Variants in MICAL1 observed in about 807,000 individuals in gnomAD.
MICAL1 encodes [F-actin]-monooxygenase MICAL1.
Under a neutral mutation model 131.8 loss-of-function variants are expected in MICAL1, and 95 were observed. That is an observed-to-expected ratio of 0.72 (90% confidence interval 0.61 to 0.86). The LOEUF is 0.86. Ranked by LOEUF, MICAL1 falls within the 40% of genes least tolerant of loss-of-function variation. The pLI, the probability that MICAL1 is intolerant of heterozygous loss-of-function variation, is 0.00. For missense variants in MICAL1, 1,292 were observed against 1,380.6 expected (o/e 0.94, Z 1.02); for synonymous variants, 546 against 554.2 (o/e 0.99, Z 0.21).
chr6:109,462,917 A>C (rs1205966735), intron 1 of MICAL1: 1 of 152,260 alleles, frequency 6.6e-6, no homozygotes, highest in Non-Finnish European at 1.5e-5. Context: ...ACACTGCACT[A>C]GCAACATCAT....
Position 109,448,719 on chromosome 6 carries a change from G to A in MICAL1, c.1664+13C>T, listed in dbSNP as rs576023177. 6.2e-7 allele frequency: 1 copy of A among 1,613,668 alleles called. No individual in the cohort carries two copies. Among genetic ancestry groups the A allele is most frequent in the African/African-American group, 1.3e-5 (1 of 75,024 alleles). On this transcript the variant is annotated intron_variant, in intron 12 of 24. Transcript: ENST00000358807. ...GAGATCATGAGAGAGAGGTGGGTCT[G>A]CCAGGGACTCACAGCAGGCCAGGCT... is the stretch of plus-strand genomic sequence containing the variant.
intron 13 of MICAL1, 32 bp from the exon 14 acceptor site, chr6:109,447,995 G>C (rs765513353): frequency 5.1e-5 from 80 of 1,568,258 alleles, no homozygotes; most frequent in Non-Finnish European, 1.6e-5. Context: ...CAGTGTGGAT[G>C]GGGGGTGCCA....
At position 109,455,546 on chromosome 6, in the gene MICAL1, G is replaced by A. The variant is rs544097123; in HGVS notation, c.-44+173C>T. ...GCGGGCGGCAGCGGTGGGGGTCCCC[G>A]ACACTGGACGGCAAAGTCCGGACGC... On this transcript the variant is annotated intron_variant, in intron 1 of 24. Coordinates refer to ENST00000358807, the MANE Select transcript of MICAL1 (RefSeq NM_022765.4). This position sits in a 1 kb window ranked among gnomAD's most constrained non-coding sequence, Gnocchi z 4.7. 1 of 291,178 alleles carries A rather than the reference G, an allele frequency of 3.4e-6. No individual in the cohort carries two copies. The highest frequency in any genetic ancestry group is 5.1e-6 in the Non-Finnish European group (1 of 194,796). The allele number at this position is 291,178 out of a possible 1,614,324, so 18.0% of individuals were successfully genotyped here. A position where few individuals can be genotyped will look rare whatever the true frequency, so the allele number is the denominator to read the frequency against.
At chr6:109,445,980 G>A (rs1582637388) in intron 19 of MICAL1, 118 bp from the exon 20 acceptor site, 1 of 1,494,656 alleles carries the variant, frequency 6.7e-7, no homozygotes, top group Non-Finnish European at 8.9e-7. Context: ...TATGTGTTGG[G>A]GCATGGGAGG....
At position 109,451,632 on chromosome 6, in the gene MICAL1, G is replaced by T; in HGVS notation, c.901C>A (p.Gln301Lys). 1 of 1,614,070 alleles carries T rather than the reference G, an allele frequency of 6.2e-7. No individual in the cohort carries two copies. The change falls in exon 7 of 25, where the codon CAG becomes AAG. Residue 301 changes from glutamine to lysine, a missense_variant. Transcript: ENST00000358807. Reference sequence around the variant, plus strand: ...AGCACCCCCAGCCGCAGCAGGCACTGCTTCTTGGCTGTCATCACAAAGTAG... The same window carrying T: ...AGCACCCCCAGCCGCAGCAGGCACTTCTTCTTGGCTGTCATCACAAAGTAG... ...THYFVMTAKK[Q>K]CLLRLGVLRQ...
chr6:109,454,002 G>A lies in MICAL1; in HGVS notation c.195C>T (p.Thr65=). The change falls in exon 2 of 25, where the codon ACC becomes ACT. Residue 65 remains threonine (T), a synonymous_variant. Coordinates refer to ENST00000358807, the MANE Select transcript of MICAL1 (RefSeq NM_022765.4). ...LNYWSAKSLW[T]KLDKRAGQPV... ...GCTGGCCTGCTCGCTTGTCCAGCTT[G>A]GTCCACAGTGACTTGGCGCTCCAGT... The A allele has an allele frequency of 1.2e-6, 2 of 1,614,150 alleles. No homozygotes were observed. The highest frequency in any genetic ancestry group is 1.1e-5 in the South Asian group (1 of 91,092).
Position 109,455,339 on chromosome 6 carries a change from T to G in MICAL1, c.-44+380A>C, listed in dbSNP as rs1274602398. Among the ~76,000 whole-genome samples the G allele has an allele frequency of 6.6e-6, 1 of 151,258 alleles. No homozygotes were observed. Among genetic ancestry groups the G allele is most frequent in the African/African-American group, 2.4e-5 (1 of 41,100 alleles). ...GGAGATGAAAGCCTCCCGCTGCGGGTGGCCCGGACGAGGGCAGACGGAATC... is the reference window on the plus strand; with the variant it reads ...GGAGATGAAAGCCTCCCGCTGCGGGGGGCCCGGACGAGGGCAGACGGAATC... On this transcript the variant is annotated intron_variant, in intron 1 of 24. Coordinates refer to ENST00000358807, the MANE Select transcript of MICAL1 (RefSeq NM_022765.4). This position sits in a 1 kb window ranked among gnomAD's most constrained non-coding sequence, Gnocchi z 4.7.
upstream of MICAL1, among the ~76,000 whole-genome samples, chr6:109,458,866 G>A (rs1169392669): frequency 1.3e-5 from 2 of 152,178 alleles, no homozygotes; most frequent in African/African-American, 4.8e-5. Flanking sequence ...GGGAAGCTGT[G>A]GCTGCAGTAT....
At chr6:109,449,291 C>G (rs916642094) in intron 11 of MICAL1, 109 bp downstream of exon 11, 2 of 1,205,630 alleles carry the variant, frequency 1.7e-6, no homozygotes, top group Non-Finnish European at 2.5e-6. Context: ...ACAATGAGTG[C>G]TCCGGCACGC....
At position 109,450,566 on chromosome 6, in the gene MICAL1, T is replaced by C; in HGVS notation, c.934-9A>G. Reference sequence around the variant, plus strand: ...TTGGTGTCTGGCCAGTCCTGTATGGTCAACAGAGCAGAACCTCAGAGACCT... The same window carrying C: ...TTGGTGTCTGGCCAGTCCTGTATGGCCAACAGAGCAGAACCTCAGAGACCT... On this transcript the variant is annotated splice_polypyrimidine_tract_variant and intron_variant, in intron 7 of 24. Transcript: ENST00000358807. 1.9e-6 allele frequency: 3 copies of C among 1,594,214 alleles called. No individual in the cohort carries two copies. Among genetic ancestry groups the C allele is most frequent in the South Asian group, 2.2e-5 (2 of 90,522 alleles).
rs151074126 is a variant in MICAL1, at chr6:109,450,541, T to A, written c.950A>T (p.Asn317Ile). The stretch of plus-strand genomic sequence containing the variant: ...CACATTGGCACTGCCCAGCAGCCGA[T>A]TGGTGTCTGGCCAGTCCTGTATGGT... ...GVLRQDWPDTNRLLGSANVVP... is the reference protein window; with the variant it reads ...GVLRQDWPDTIRLLGSANVVP... Residue 317 changes from asparagine (N) to isoleucine (I), a missense_variant, in exon 8 of 25, where the codon AAT becomes ATT. Physicochemically the swap from Asn to Ile is moderately radical, Grantham distance 149. Coordinates refer to ENST00000358807, the MANE Select transcript of MICAL1 (RefSeq NM_022765.4). 6.2e-7 allele frequency: 1 copy of A among 1,610,162 alleles called. No homozygotes were observed. Among genetic ancestry groups the A allele is most frequent in the East Asian group, 2.2e-5 (1 of 44,734 alleles).
At chr6:109,464,048 T>C (rs1775973940) in intron 1 of MICAL1, 1 of 152,166 alleles carries the variant, frequency 6.6e-6, no homozygotes. Flanking sequence ...GGAGAAAATG[T>C]GGATTGGTGG....
At position 109,450,059 on chromosome 6, in the gene MICAL1, C is replaced by A. The variant is rs779279993; in HGVS notation, c.1218G>T (p.Val406=). 6.2e-6 allele frequency: 10 copies of A among 1,614,094 alleles called. No homozygotes were observed. Among genetic ancestry groups the A allele is most frequent in the Middle Eastern group, 3.3e-4 (2 of 6,060 alleles). ...CAAAGGCTGCCAGGAAGCCCCGTGC[C>A]ACTCCAGTGCCCAGGGGCCAGAAGG... ...VEPFWPLGTG[V]ARGFLAAFDA... Residue 406 remains valine, a synonymous_variant, in exon 9 of 25, where the codon GTG becomes GTT. Coordinates refer to ENST00000358807, the MANE Select transcript of MICAL1 (RefSeq NM_022765.4).
At chr6:109,448,023 CA>C in intron 13 of MICAL1, 60 bp from the exon 14 acceptor site, 1 of 679,376 alleles carries the variant, frequency 1.5e-6, no homozygotes, top group Non-Finnish European at 2.0e-6. Flanking sequence ...ACTCTCAGAA[CA>C]GACAGTCACT....
chr6:109,445,657 AGATAT>A, intron 20 of MICAL1, 109 bp downstream of exon 20: 1 of 1,494,378 alleles, frequency 6.7e-7, no homozygotes, highest in Non-Finnish European at 9.2e-7. Flanking sequence ...TAGAGGCCAG[AGATAT>A]GACAGGCCAA....
At chr6:109,451,338 G>A (rs1775533552) in intron 7 of MICAL1, among the ~76,000 whole-genome samples, 1 of 152,156 alleles carries the variant, frequency 6.6e-6, no homozygotes, top group Non-Finnish European at 1.5e-5. Context: ...ACTTTTAGTA[G>A]AGACGGGGTT....
Position 109,447,293 on chromosome 6 carries a change from C to T in MICAL1, c.2070+64G>A, listed in dbSNP as rs534581488. 206 of 1,613,990 alleles carry T rather than the reference C, an allele frequency of 1.3e-4. 1 individual carries two copies. The highest frequency in any genetic ancestry group is 9.9e-4 in the African/African-American group (74 of 75,056). ...AGGCCAGCTCCAAAGTTCTTTCCCT[C>T]CCATGAAACGCCCCTGCCCTGCCCT... On this transcript the variant is annotated intron_variant, in intron 16 of 24. Coordinates refer to ENST00000358807, the MANE Select transcript of MICAL1 (RefSeq NM_022765.4).
rs542328823 is a variant in MICAL1 at position 109,444,349 on chromosome 6, G to A, written c.3056-10C>T. 3.1e-6 allele frequency: 5 copies of A among 1,613,336 alleles called. No individual in the cohort carries two copies. The East Asian group carries it at 8.9e-5, about 29-fold the overall frequency. Reference sequence around the variant, plus strand: ...GCTGTCTTTAGGTTTTCTAAAAGGAGGAGACAAAGCTTAGAGAACAGGGAA... The same window carrying A: ...GCTGTCTTTAGGTTTTCTAAAAGGAAGAGACAAAGCTTAGAGAACAGGGAA... On this transcript the variant is annotated splice_polypyrimidine_tract_variant and intron_variant, in intron 24 of 24. Coordinates refer to ENST00000358807, the MANE Select transcript of MICAL1 (RefSeq NM_022765.4).
At position 109,444,108 on chromosome 6, in the gene MICAL1, G is replaced by C. The variant is rs1351017676; in HGVS notation, c.*83C>G. On this transcript the variant is annotated 3_prime_UTR_variant, in exon 25 of 25. Transcript: ENST00000358807. ...TTGTAAACAGCAAGGCTCTCTGCCA[G>C]GCAGCCCAGATGAACAGGGGTGGCA... 1 of 1,537,574 alleles carries C rather than the reference G, an allele frequency of 6.5e-7. No individual in the cohort carries two copies. Among genetic ancestry groups the C allele is most frequent in the African/African-American group, 1.4e-5 (1 of 72,092 alleles).
Sources: gnomAD v4.1 joint callset for allele counts (sites outside exome capture counted in the v4.1 genomes callset) on GRCh38, gnomAD v4.1.1 for gene constraint, Gnocchi (gnomAD v3.1) non-coding constraint, MANE v1.5 for transcripts, NCBI Gene and HGNC (gene_info 2026-07-23, HGNC 2026-07-21) for gene names.